ROBO1: variants seen among roughly 807,000 people sequenced by gnomAD.
The protein encoded by ROBO1 is roundabout homolog 1.
ROBO1 carries 149 observed loss-of-function variants against 195.9 expected under a neutral mutation model. That is an observed-to-expected ratio of 0.76 (90% confidence interval 0.67 to 0.87). ROBO1 has a LOEUF of 0.87. ROBO1 is among the 40% of genes least tolerant of loss of function. The probability of loss-of-function intolerance (pLI) is 0.00; values close to 1 mark genes in which losing one functional copy is unlikely to be tolerated. For synonymous variants in ROBO1, 816 were observed against 733.2 expected, an observed-to-expected ratio of 1.11 and a Z score of -1.82; for missense variants, 1,933 against 2,068.3, an observed-to-expected ratio of 0.93 and a Z score of 1.27.
intron 2 of ROBO1, among the ~76,000 whole-genome samples, chr3:79,557,101 G>T (rs1942730764): frequency 6.7e-6 from 1 of 150,046 alleles, no homozygotes; most frequent in Non-Finnish European, 1.5e-5. Flanking sequence ...CATTTTTAGA[G>T]AATAAAAGAA....
intron 2 of ROBO1, among the ~76,000 whole-genome samples, chr3:79,220,974 C>A (rs1486813347): frequency 6.6e-6 from 1 of 152,066 alleles, no homozygotes; most frequent in African/African-American, 2.4e-5. Context: ...TCTCCCACAA[C>A]CTTAACCCTG....
intron 3 of ROBO1, among the ~76,000 whole-genome samples, chr3:79,114,501 C>G (rs1249980441): frequency 6.6e-6 from 1 of 152,162 alleles, no homozygotes; most frequent in African/African-American, 2.4e-5. Flanking sequence ...ATCTCTGTCC[C>G]CAGCTTATCA....
intron 3 of ROBO1, among the ~76,000 whole-genome samples, chr3:79,120,958 T>C (rs565643507): frequency 6.6e-6 from 1 of 152,280 alleles, no homozygotes; most frequent in South Asian, 2.1e-4. Flanking sequence ...GGTGGATCTG[T>C]TCAATTTCTA....
At chr3:79,660,799 A>G (rs1007811805) in intron 1 of ROBO1, among the ~76,000 whole-genome samples, 1 of 152,114 alleles carries the variant, frequency 6.6e-6, no homozygotes, top group Non-Finnish European at 1.5e-5. Flanking sequence ...CCTGAAAAGC[A>G]CAATGACCTT....
chr3:79,231,020 C>T (rs2108851156), intron 2 of ROBO1, among the ~76,000 whole-genome samples: 1 of 152,112 alleles, frequency 6.6e-6, no homozygotes, highest in Admixed American at 6.6e-5. Flanking sequence ...TAGCTGTATG[C>T]CGAAGACTGA....
intron 3 of ROBO1, among the ~76,000 whole-genome samples, chr3:79,079,245 C>A (rs2079227847): frequency 6.6e-6 from 1 of 151,596 alleles, no homozygotes; most frequent in Non-Finnish European, 1.5e-5. Context: ...CTTTAAAAGG[C>A]ATCTATATAT....
At chr3:78,821,912 G>GA (rs2031015527) in intron 4 of ROBO1, among the ~76,000 whole-genome samples, 1 of 152,090 alleles carries the variant, frequency 6.6e-6, no homozygotes, top group South Asian at 2.1e-4. Context: ...AATTCAGACA[G>GA]AGAAGAAGAA....
intron 2 of ROBO1, among the ~76,000 whole-genome samples, chr3:79,297,328 T>C (rs1390205665): frequency 2.0e-5 from 3 of 152,188 alleles, no homozygotes; most frequent in Non-Finnish European, 4.4e-5. Context: ...AAAGAGCCTG[T>C]CACTAATTGA....
At chr3:79,355,159 C>T (rs546575976) in intron 2 of ROBO1, among the ~76,000 whole-genome samples, 6 of 151,358 alleles carry the variant, frequency 4.0e-5, no homozygotes, top group East Asian at 2.0e-4. Flanking sequence ...GAGCAAGACT[C>T]GGTCTCAAAA....
In ROBO1 at chr3:78,614,548, A is replaced by G. The variant is rs561844285; in HGVS notation, c.4435+100T>C. Reference sequence around the variant, plus strand: ...TGAAGCTGATTGTTAATAAATTTTTAATGTAATTTCTAACGTCAGTGAATG... The same window carrying G: ...TGAAGCTGATTGTTAATAAATTTTTGATGTAATTTCTAACGTCAGTGAATG... On this transcript the variant is annotated intron_variant, in intron 28 of 30. Coordinates refer to ENST00000464233, the MANE Select transcript of ROBO1 (RefSeq NM_002941.4). The G allele has an allele frequency of 1.6e-5, 20 of 1,278,110 alleles. No individual in the cohort carries two copies. The South Asian group carries it at 3.1e-4, about 20-fold the overall frequency. 79.2% of individuals were successfully genotyped at this position (1,278,110 alleles called of 1,614,324 possible). A position where few individuals can be genotyped will look rare whatever the true frequency, so the allele number is the denominator to read the frequency against.
intron 2 of ROBO1, among the ~76,000 whole-genome samples, chr3:79,569,775 AC>A (rs1381895945): frequency 2.6e-5 from 4 of 151,800 alleles, no homozygotes; most frequent in African/African-American, 9.7e-5. Flanking sequence ...GCTTTAGTTT[AC>A]CAAAATGCTT....
intron 2 of ROBO1, among the ~76,000 whole-genome samples, chr3:79,321,652 T>C (rs1169565260): frequency 6.6e-6 from 1 of 152,188 alleles, no homozygotes; most frequent in Non-Finnish European, 1.5e-5. Context: ...ATATGAACCC[T>C]ATAATAAGCA....
chr3:78,968,660 T>C (rs2076700343), intron 3 of ROBO1, among the ~76,000 whole-genome samples: 1 of 151,744 alleles, frequency 6.6e-6, no homozygotes, highest in African/African-American at 2.4e-5. Context: ...TTTGGCCAAA[T>C]TTCACTCAGT....
intron 2 of ROBO1, among the ~76,000 whole-genome samples, chr3:79,571,957 A>T (rs1321417219): frequency 6.6e-6 from 1 of 152,140 alleles, no homozygotes; most frequent in East Asian, 1.9e-4. Context: ...CTAGAAAAAA[A>T]AAATTAAGTG....
intron 1 of ROBO1, among the ~76,000 whole-genome samples, chr3:79,721,955 A>C (rs931037894): frequency 6.6e-6 from 1 of 152,218 alleles, no homozygotes; most frequent in Non-Finnish European, 1.5e-5. Flanking sequence ...CCAGTTAACG[A>C]GAATGATTCT....
At chr3:79,671,328 C>A (rs1946625341) in intron 1 of ROBO1, among the ~76,000 whole-genome samples, 1 of 151,776 alleles carries the variant, frequency 6.6e-6, no homozygotes, top group Middle Eastern at 3.2e-3. Flanking sequence ...AAGAGAGGTA[C>A]TACAGATGTA....
intron 3 of ROBO1, among the ~76,000 whole-genome samples, chr3:78,980,321 C>T (rs1425973700): frequency 6.6e-6 from 1 of 152,082 alleles, no homozygotes; most frequent in Non-Finnish European, 1.5e-5. Context: ...ACCTCAAAAA[C>T]ATCCATACGA....
intron 3 of ROBO1, among the ~76,000 whole-genome samples, chr3:79,105,216 G>C (rs1336708181): frequency 6.6e-6 from 1 of 151,694 alleles, no homozygotes; most frequent in Non-Finnish European, 1.5e-5. Context: ...AACGGAAAAA[G>C]ATAGTTACAG....
intron 2 of ROBO1, among the ~76,000 whole-genome samples, chr3:79,307,801 T>C (rs560391552): frequency 1.3e-5 from 2 of 152,242 alleles, no homozygotes; most frequent in South Asian, 2.1e-4. Context: ...ATTTAGAGAA[T>C]TGATTCACTT....
Sources: gnomAD v4.1 joint callset for allele counts (sites outside exome capture counted in the v4.1 genomes callset) on GRCh38, gnomAD v4.1.1 for gene constraint, MANE v1.5 for transcripts, NCBI Gene and HGNC (gene_info 2026-07-23, HGNC 2026-07-21) for gene names.